RO60: variants seen among roughly 807,000 people sequenced by gnomAD.
RO60 encodes RNA-binding protein RO60.
RO60 carries 20 observed loss-of-function variants against 55.3 expected under a neutral mutation model. The ratio of observed to expected loss-of-function variants is 0.36; its 90% CI spans 0.25 to 0.53. The LOEUF (loss-of-function observed/expected upper bound fraction) is 0.53, where lower values mean the gene tolerates loss of function less well. RO60 is among the 20% of genes least tolerant of loss of function. RO60 has a pLI of 0.92. For missense variants in RO60, 558 were observed against 646.6 expected, an observed-to-expected ratio of 0.86 and a Z score of 1.49; for synonymous variants, 213 against 213.6, an observed-to-expected ratio of 1.00 and a Z score of 0.02.
In RO60 at chr1:193,069,102, A is replaced by G; in HGVS notation, c.48A>G (p.Ile16Met). 1 of 1,614,096 alleles carries G rather than the reference A, an allele frequency of 6.2e-7. No individual in the cohort carries two copies. Among genetic ancestry groups the G allele is most frequent in the Non-Finnish European group, 8.5e-7 (1 of 1,179,918 alleles). Reference protein sequence around the residue: ...NQMQPLNEKQIANSQDGYVWQ... With the variant: ...NQMQPLNEKQMANSQDGYVWQ... ...TGCAGCCACTGAATGAGAAGCAGAT[A>G]GCCAATTCTCAGGATGGATATGTAT... The change falls in exon 2 of 9, where the codon ATA becomes ATG. Residue 16 changes from isoleucine (I) to methionine (M), a missense_variant. Transcript: ENST00000400968.
chr1:193,075,722 T>C, intron 2 of RO60, 98 bp from the exon 3 acceptor site: 2 of 864,344 alleles, frequency 2.3e-6, no homozygotes, highest in East Asian at 2.5e-5. Context: ...CTCTTGTGTA[T>C]CCAGTTATGT....
intron 1 of RO60, among the ~76,000 whole-genome samples, chr1:193,060,470 TC>T (rs1197607011): frequency 6.6e-6 from 1 of 152,120 alleles, no homozygotes; most frequent in Non-Finnish European, 1.5e-5. Context: ...GTATATTTAC[TC>T]CTTAAAAGCT....
chr1:193,086,936 C>T lies in RO60; in HGVS notation c.*2205C>T, dbSNP rs1415807095. The T allele has an allele frequency of 6.6e-6, 1 of 151,986 alleles. No homozygotes were observed. Among genetic ancestry groups the T allele is most frequent in the Non-Finnish European group, 1.5e-5 (1 of 67,942 alleles). 9.4% of individuals were successfully genotyped at this position (151,986 alleles called of 1,614,324 possible). ...TAAATTTTTGTTAGAGAGCTGAGGT[C>T]CAAGACAGAGTGTGATTTTGAAGTA... On this transcript the variant is annotated 3_prime_UTR_variant, in exon 9 of 9. Transcript: ENST00000400968.
At chr1:193,068,946 A>G in intron 1 of RO60, 88 bp from the exon 2 acceptor site, 2 of 837,086 alleles carry the variant, frequency 2.4e-6, no homozygotes, top group Non-Finnish European at 3.7e-6. Flanking sequence ...AAAAGAGTTA[A>G]TAACATTTCA....
chr1:193,072,148 C>A (rs1484870868), intron 2 of RO60, among the ~76,000 whole-genome samples: 2 of 152,128 alleles, frequency 1.3e-5, no homozygotes, highest in Non-Finnish European at 2.9e-5. Flanking sequence ...GGATTACAAG[C>A]TCCTGCCGCC....
At chr1:193,062,687 C>T (rs926299583) in intron 1 of RO60, among the ~76,000 whole-genome samples, 1 of 152,198 alleles carries the variant, frequency 6.6e-6, no homozygotes, top group Non-Finnish European at 1.5e-5. Flanking sequence ...AGTGTTCCCC[C>T]ACTCCGACAG....
intron 7 of RO60, 33 bp downstream of exon 7, chr1:193,082,332 T>C (rs1674369141): frequency 6.8e-7 from 1 of 1,465,538 alleles, no homozygotes; most frequent in South Asian, 1.2e-5. Context: ...TTTACTTAGT[T>C]AAGTTTACAT....
At chr1:193,068,601 G>A (rs1184908841) in intron 1 of RO60, among the ~76,000 whole-genome samples, 1 of 152,136 alleles carries the variant, frequency 6.6e-6, no homozygotes, top group South Asian at 2.1e-4. Context: ...TTCTCTGTGT[G>A]GGCCTCAAGA....
chr1:193,068,722 T>C (rs1384191960), intron 1 of RO60, among the ~76,000 whole-genome samples: 1 of 152,254 alleles, frequency 6.6e-6, no homozygotes, highest in Admixed American at 6.5e-5. Context: ...TTTGTTTGTT[T>C]GCTGTGAAGG....
At chr1:193,060,002 T>C in intron 1 of RO60, 2 of 1,365,382 alleles carry the variant, frequency 1.5e-6, no homozygotes, top group Admixed American at 1.9e-5. Flanking sequence ...GGACCATTCC[T>C]CAGGGTGGGC....
chr1:193,069,869 A>C lies in RO60; in HGVS notation c.580+235A>C, dbSNP rs1673362480. 2.0e-5 allele frequency among the ~76,000 whole-genome samples: 3 copies of C among 152,186 alleles called. No individual in the cohort carries two copies. In the South Asian group the frequency reaches 6.2e-4, roughly 32 times the overall value. On this transcript the variant is annotated intron_variant, in intron 2 of 8. Coordinates refer to ENST00000400968, the MANE Select transcript of RO60 (RefSeq NM_001173524.2). The stretch of plus-strand genomic sequence containing the variant: ...ACAGGTTTATAGGTTAATATTCTGA[A>C]TCTTAAAATGCCACCGTCCTAACTG...
chr1:193,080,261 A>G (rs1674219208), intron 5 of RO60, among the ~76,000 whole-genome samples: 1 of 152,250 alleles, frequency 6.6e-6, no homozygotes. Context: ...AGAAAACAAG[A>G]GTTGGGGAAG....
rs55878514 is a variant in RO60, at chr1:193,069,738, A to G, written c.580+104A>G. On this transcript the variant is annotated intron_variant, in intron 2 of 8. Transcript: ENST00000400968. ...CAAGTGTGTAATATTTTCTAGAAAT[A>G]GCCTTTTATTCTCAAAATATACATT... The G allele has an allele frequency of 3.4e-3, 3,102 of 907,940 alleles. 13 individuals carry two copies. The highest frequency in any genetic ancestry group is 3.8e-3 in the Non-Finnish European group (2,391 of 621,604). 56.2% of individuals were successfully genotyped at this position (907,940 alleles called of 1,614,324 possible).
chr1:193,077,823 G>C (rs990773955), intron 5 of RO60, among the ~76,000 whole-genome samples: 23 of 152,266 alleles, frequency 1.5e-4, no homozygotes, highest in African/African-American at 5.5e-4. Context: ...GATTGGTGTG[G>C]AGACACAAAT....
chr1:193,063,002 A>G (rs1032901009), intron 1 of RO60, among the ~76,000 whole-genome samples: 6 of 152,192 alleles, frequency 3.9e-5, no homozygotes, highest in African/African-American at 1.4e-4. Context: ...ACATCTGGAT[A>G]CAACTTTTGG....
chr1:193,075,502 T>A (rs2103052372), intron 2 of RO60, among the ~76,000 whole-genome samples: 1 of 152,056 alleles, frequency 6.6e-6, no homozygotes, highest in East Asian at 1.9e-4. Flanking sequence ...TCTCGTGAGT[T>A]GTTCTGAGAT....
chr1:193,083,669 G>A (rs955380988), intron 8 of RO60, among the ~76,000 whole-genome samples: 1 of 152,220 alleles, frequency 6.6e-6, no homozygotes, highest in African/African-American at 2.4e-5. Flanking sequence ...CTCTGACGTT[G>A]GGACTGTGTT....
In RO60 at chr1:193,085,394, C is replaced by G. The variant is rs1674580766; in HGVS notation, c.*663C>G. The G allele has an allele frequency of 1.0e-6, 1 of 989,260 alleles. No individual in the cohort carries two copies. Among genetic ancestry groups the G allele is most frequent in the African/African-American group, 1.7e-5 (1 of 57,362 alleles). The allele number at this position is 989,260 out of a possible 1,614,324, so 61.3% of individuals were successfully genotyped here. ...CCATTAATCAGAAACATCATGGCAA[C>G]CCCTAAGAATAGACTAAGTTTGTGT... On this transcript the variant is annotated 3_prime_UTR_variant, in exon 9 of 9. Coordinates refer to ENST00000400968, the MANE Select transcript of RO60 (RefSeq NM_001173524.2).
intron 7 of RO60, 65 bp downstream of exon 7, chr1:193,082,364 T>C (rs1220265910): frequency 1.9e-5 from 26 of 1,393,582 alleles, no homozygotes; most frequent in African/African-American, 5.8e-5. Context: ...TGATTTTATA[T>C]TGATGTCATG....
Sources: allele counts gnomAD v4.1 joint callset (sites outside exome capture counted in the v4.1 genomes callset), GRCh38; gene constraint gnomAD v4.1.1; transcripts MANE v1.5; gene names NCBI Gene and HGNC (gene_info 2026-07-23, HGNC 2026-07-21).